Variants in COG5 observed in about 807,000 individuals in gnomAD.
COG5 encodes component of oligomeric golgi complex 5.
COG5 carries 86 observed loss-of-function variants against 110.4 expected under a neutral mutation model. The ratio of observed to expected loss-of-function variants is 0.78; its 90% CI spans 0.65 to 0.93. COG5 has a LOEUF of 0.93. COG5 is among the 40% of genes least tolerant of loss of function. The pLI is 0.00. For missense variants in COG5, 1,077 were observed against 987.0 expected (o/e 1.09, Z -1.22); for synonymous variants, 360 against 334.6 (o/e 1.08, Z -0.83).
intron 7 of COG5, among the ~76,000 whole-genome samples, chr7:107,404,088 A>C (rs1163701092): frequency 6.6e-6 from 1 of 152,176 alleles, no homozygotes; most frequent in East Asian, 1.9e-4. Flanking sequence ...ATGAAGATGG[A>C]GAATTTTTAG....
intron 14 of COG5, among the ~76,000 whole-genome samples, chr7:107,272,580 G>A (rs1804366579): frequency 6.6e-6 from 1 of 152,052 alleles, no homozygotes; most frequent in African/African-American, 2.4e-5. Context: ...AATATTTTGA[G>A]AAATATTTTT....
chr7:107,495,569 C>G (rs139398377), intron 6 of COG5, among the ~76,000 whole-genome samples: 4 of 151,938 alleles, frequency 2.6e-5, no homozygotes, highest in African/African-American at 9.7e-5. Context: ...ATAACATGAT[C>G]CATATGCATG....
At chr7:107,407,765 G>A (rs891422075) in intron 7 of COG5, among the ~76,000 whole-genome samples, 16 of 151,782 alleles carry the variant, frequency 1.1e-4, no homozygotes, top group Non-Finnish European at 7.4e-5. Context: ...AGGTAAATTC[G>A]ACCAGTAACT....
chr7:107,459,507 T>C (rs1430704435), intron 6 of COG5, among the ~76,000 whole-genome samples: 2 of 152,028 alleles, frequency 1.3e-5, no homozygotes, highest in Non-Finnish European at 1.5e-5. Flanking sequence ...TAAATGTTAA[T>C]AGAACAGGGC....
intron 6 of COG5, among the ~76,000 whole-genome samples, chr7:107,416,792 T>C (rs546689579): frequency 1.3e-5 from 2 of 152,292 alleles, no homozygotes; most frequent in East Asian, 3.9e-4. Context: ...AGATGGGACG[T>C]TATAGGAAAA....
At chr7:107,466,125 A>G (rs1036822940) in intron 6 of COG5, among the ~76,000 whole-genome samples, 4 of 152,166 alleles carry the variant, frequency 2.6e-5, no homozygotes, top group African/African-American at 7.2e-5. Context: ...TAGTTCCTTG[A>G]TGAAAATATA....
At chr7:107,398,054 A>G (rs1791140900) in intron 7 of COG5, among the ~76,000 whole-genome samples, 1 of 152,212 alleles carries the variant, frequency 6.6e-6, no homozygotes, top group Non-Finnish European at 1.5e-5. Context: ...AACATGAGAC[A>G]AAAACTTTGT....
chr7:107,557,827 A>G, intron 2 of COG5, 149 bp downstream of exon 2: 1 of 1,062,784 alleles, frequency 9.4e-7, no homozygotes, highest in Non-Finnish European at 1.4e-6. Context: ...TTTACAGAAA[A>G]TTTCAAAAAT....
chr7:107,517,559 T>C (rs1200319673), intron 6 of COG5, among the ~76,000 whole-genome samples: 1 of 151,898 alleles, frequency 6.6e-6, no homozygotes, highest in Admixed American at 6.6e-5. Flanking sequence ...TTCTTCACGG[T>C]TGAATTGAAG....
chr7:107,249,340 A>T (rs1802304271), intron 16 of COG5, among the ~76,000 whole-genome samples: 1 of 152,082 alleles, frequency 6.6e-6, no homozygotes, highest in Non-Finnish European at 1.5e-5. Context: ...ATCTTACGGA[A>T]TACAGAACAG....
chr7:107,319,509 A>T (rs899015787), intron 11 of COG5, among the ~76,000 whole-genome samples: 1 of 152,192 alleles, frequency 6.6e-6, no homozygotes, highest in Non-Finnish European at 1.5e-5. Flanking sequence ...CCAGGTAGAA[A>T]GCTGCGGTGA....
At chr7:107,441,664 A>T (rs983313858) in intron 6 of COG5, among the ~76,000 whole-genome samples, 1 of 152,180 alleles carries the variant, frequency 6.6e-6, no homozygotes, top group African/African-American at 2.4e-5. Flanking sequence ...TCCACATAAC[A>T]TATTTTCTAA....
intron 11 of COG5, among the ~76,000 whole-genome samples, chr7:107,311,584 G>A (rs545183059): frequency 2.7e-5 from 4 of 150,020 alleles, no homozygotes; most frequent in Admixed American, 6.6e-5. Flanking sequence ...TAGTAGAGAC[G>A]GGGTTTCACC....
At chr7:107,315,024 G>A (rs1042637669) in intron 11 of COG5, among the ~76,000 whole-genome samples, 2 of 152,004 alleles carry the variant, frequency 1.3e-5, no homozygotes, top group African/African-American at 4.8e-5. Context: ...TACTTCCATT[G>A]CAAGGATCAA....
intron 19 of COG5, among the ~76,000 whole-genome samples, chr7:107,225,175 C>G (rs557506531): frequency 1.5e-3 from 230 of 152,302 alleles, no homozygotes; most frequent in African/African-American, 2.9e-3. Flanking sequence ...GCCACTGCCC[C>G]TAATTGGAAC....
chr7:107,275,959 A>C (rs1315910571), intron 14 of COG5, among the ~76,000 whole-genome samples: 1 of 152,206 alleles, frequency 6.6e-6, no homozygotes, highest in Non-Finnish European at 1.5e-5. Context: ...AATTATATAA[A>C]GAATAAAGTG....
Position 107,258,169 on chromosome 7 carries a change from AT to A in COG5, c.1686+103del, listed in dbSNP as rs201247119. The A allele has an allele frequency of 4.5e-3, 3,209 of 710,622 alleles. 81 individuals are homozygous for A. In the African/African-American group the frequency reaches 0.053, roughly 12 times the overall value. The allele number at this position is 710,622 out of a possible 1,614,324, so 44.0% of individuals were successfully genotyped here. ...TTTATTTTATAATCATCACATTTTC[AT>A]TGTATTCTTTTCCAAAGTACTAAAT... is the stretch of plus-strand genomic sequence containing the variant. On this transcript the variant is annotated intron_variant, in intron 15 of 21. Transcript: ENST00000297135.
In COG5 at chr7:107,241,688, G is replaced by A. The variant is rs565362929; in HGVS notation, c.1854-5001C>T. ...AGGATGGTCTCGATCTCCTGACCTC[G>A]TGATCCGCCCGTCTCGGCCTCCCAA... is the stretch of plus-strand genomic sequence containing the variant. On this transcript the variant is annotated intron_variant, in intron 17 of 21. Coordinates refer to ENST00000297135, the MANE Select transcript of COG5 (RefSeq NM_006348.5). Among the ~76,000 whole-genome samples the A allele has an allele frequency of 9.2e-5, 14 of 152,078 alleles. 3 individuals are homozygous for A. The highest frequency in any genetic ancestry group is 2.4e-4 in the African/African-American group (10 of 41,526).
chr7:107,486,415 T>C (rs983855557), intron 6 of COG5, among the ~76,000 whole-genome samples: 1 of 151,826 alleles, frequency 6.6e-6, no homozygotes, highest in Non-Finnish European at 1.5e-5. Flanking sequence ...CAACATAATA[T>C]ATAACAGAAA....
Sources: gnomAD v4.1 joint callset for allele counts (sites outside exome capture counted in the v4.1 genomes callset) on GRCh38, gnomAD v4.1.1 for gene constraint, MANE v1.5 for transcripts, NCBI Gene and HGNC (gene_info 2026-07-23, HGNC 2026-07-21) for gene names.